Variants in SLFN12L observed in about 807,000 individuals in gnomAD.
SLFN12L encodes the protein schlafen family member 12 like.
In SLFN12L, 34 loss-of-function variants were observed where a neutral mutation model predicts 34.8. The ratio of observed to expected loss-of-function variants is 0.98; its 90% confidence interval spans 0.74 to 1.30. The LOEUF is 1.30. Ranked by LOEUF, SLFN12L falls within the 50% of genes most tolerant of loss-of-function variation. The probability of loss-of-function intolerance (pLI) is 0.00; values close to 1 mark genes in which losing one functional copy is unlikely to be tolerated. For synonymous variants in SLFN12L, 259 were observed against 247.5 expected, an observed-to-expected ratio of 1.05 and a Z score of -0.44; for missense variants, 703 against 696.2, an observed-to-expected ratio of 1.01 and a Z score of -0.11.
At position 35,526,510 on chromosome 17, in the gene SLFN12L, C is replaced by G. The variant is rs371525986; in HGVS notation, c.-605-3541G>C. Among the ~76,000 whole-genome samples the G allele has an allele frequency of 6.5e-4, 99 of 152,272 alleles. 1 individual carries two copies. The South Asian group carries it at 0.02, about 30-fold the overall frequency. On this transcript the variant is annotated intron_variant, in intron 1 of 4. Coordinates refer to ENST00000628453, the MANE Select transcript of SLFN12L (RefSeq NM_001363830.2). The stretch of plus-strand genomic sequence containing the variant: ...TAACAGAAATCATAACAAAAATCCT[C>G]TCAGTCCACAGTGCAATCAAATTAG...
intron 2 of SLFN12L, chr17:35,490,689 T>C: frequency 2.6e-6 from 3 of 1,171,010 alleles, no homozygotes; most frequent in Middle Eastern, 1.9e-4. Context: ...TAACCGAGGA[T>C]TCAGATCGTC....
chr17:35,526,607 T>C (rs2072337587), intron 1 of SLFN12L, among the ~76,000 whole-genome samples: 1 of 152,140 alleles, frequency 6.6e-6, no homozygotes, highest in Non-Finnish European at 1.5e-5. Context: ...CCTGAATGAC[T>C]ACCAGGTAAA....
Position 35,473,612 on chromosome 17 carries a change from T to C in SLFN12L, c.*1311A>G, listed in dbSNP as rs2142121786. The C allele has an allele frequency of 6.6e-6, 1 of 152,296 alleles. No homozygotes were observed. The highest frequency in any genetic ancestry group is 2.1e-4 in the South Asian group (1 of 4,828). The allele number at this position is 152,296 out of a possible 1,614,324, so 9.4% of individuals were successfully genotyped here. ...CATCAGGGATATTGGCCTGAAGTTTTCCTTTTTTTATTGTGTCCCTACCAG... is the reference window on the plus strand; with the variant it reads ...CATCAGGGATATTGGCCTGAAGTTTCCCTTTTTTTATTGTGTCCCTACCAG... On this transcript the variant is annotated 3_prime_UTR_variant, in exon 5 of 5. Coordinates refer to ENST00000628453, the MANE Select transcript of SLFN12L (RefSeq NM_001363830.2).
At chr17:35,535,098 A>T (rs1242572447) in intron 1 of SLFN12L, among the ~76,000 whole-genome samples, 2 of 152,118 alleles carry the variant, frequency 1.3e-5, no homozygotes, top group Non-Finnish European at 2.9e-5. Flanking sequence ...GTTGGGGGAC[A>T]TATTCAGAGT....
intron 2 of SLFN12L, chr17:35,498,767 T>C: frequency 9.1e-7 from 1 of 1,093,382 alleles, no homozygotes; most frequent in Non-Finnish European, 1.4e-6. Context: ...GTGACAGCTA[T>C]ACTGCCCTGT....
At position 35,467,120 on chromosome 17, in the gene SLFN12L, G is replaced by A. The variant is rs1014447260; in HGVS notation, c.*7803C>T. Among the ~76,000 whole-genome samples the A allele has an allele frequency of 1.3e-5, 2 of 152,170 alleles. No homozygotes were observed. The highest frequency in any genetic ancestry group is 2.9e-5 in the Non-Finnish European group (2 of 68,024). On this transcript the variant is annotated 3_prime_UTR_variant, in exon 5 of 5. Coordinates refer to ENST00000628453, the MANE Select transcript of SLFN12L (RefSeq NM_001363830.2). ...TCCCTTGCCAGATGCCATAGTGCTG[G>A]AGGAGGTCACCTCTCCTCCAGACCC... is the stretch of plus-strand genomic sequence containing the variant.
chr17:35,522,866 G>A lies in SLFN12L; in HGVS notation c.-502C>T. On this transcript the variant is annotated 5_prime_UTR_variant, in exon 2 of 5. Transcript: ENST00000628453. Reference sequence around the variant, plus strand: ...TAGAGAGGATCACAATTCCCCAGGAGAAAGGTTGGGTTTGCTTATTTATTA... The same window carrying A: ...TAGAGAGGATCACAATTCCCCAGGAAAAAGGTTGGGTTTGCTTATTTATTA... 1.1e-6 allele frequency: 1 copy of A among 942,602 alleles called. No homozygotes were observed. Among genetic ancestry groups the A allele is most frequent in the Non-Finnish European group, 1.7e-6 (1 of 602,260 alleles). The allele number at this position is 942,602 out of a possible 1,614,324, so 58.4% of individuals were successfully genotyped here. A position where few individuals can be genotyped will look rare whatever the true frequency, so the allele number is the denominator to read the frequency against.
chr17:35,511,870 C>T (rs575146864), intron 2 of SLFN12L, among the ~76,000 whole-genome samples: 1 of 152,308 alleles, frequency 6.6e-6, no homozygotes, highest in East Asian at 1.9e-4. Flanking sequence ...ACAATGTATC[C>T]TTGCCTAAAG....
At chr17:35,529,993 T>G (rs1597885607) in intron 1 of SLFN12L, among the ~76,000 whole-genome samples, 1 of 151,684 alleles carries the variant, frequency 6.6e-6, no homozygotes, top group Admixed American at 6.6e-5. Context: ...ATTAACTTTC[T>G]CAAAGTCACT....
chr17:35,535,962 AGTTTGTTTGTTTGTTTGTTTGTTT>A (rs111617647), intron 1 of SLFN12L, among the ~76,000 whole-genome samples: 3 of 149,528 alleles, frequency 2.0e-5, no homozygotes, highest in Admixed American at 6.7e-5. Context: ...GGCCCTGGCT[AGTTTGTTTGTTTGTTTGTTTGTTT>A]GTTTGTTTGT....
In SLFN12L at chr17:35,467,711, G is replaced by C. The variant is rs1019518740; in HGVS notation, c.*7212C>G. Among the ~76,000 whole-genome samples the C allele has an allele frequency of 6.6e-6, 1 of 152,064 alleles. No individual in the cohort carries two copies. The highest frequency in any genetic ancestry group is 1.5e-5 in the Non-Finnish European group (1 of 68,022). ...CCCCCCCCATCAGGAGGCCACAGCA[G>C]GTGTGTATATTCTCTGGGGTCCAAT... On this transcript the variant is annotated 3_prime_UTR_variant, in exon 5 of 5. Transcript: ENST00000628453.
rs1245861881 is a variant in SLFN12L, at chr17:35,468,091, T to G, written c.*6832A>C. Among the ~76,000 whole-genome samples the G allele has an allele frequency of 6.6e-6, 1 of 152,088 alleles. No homozygotes were observed. The highest frequency in any genetic ancestry group is 1.5e-5 in the Non-Finnish European group (1 of 68,010). On this transcript the variant is annotated 3_prime_UTR_variant, in exon 5 of 5. Coordinates refer to ENST00000628453, the MANE Select transcript of SLFN12L (RefSeq NM_001363830.2). Reference sequence around the variant, plus strand: ...CGCCCAGCTAATTTTTTATGTTTTTTGTAGAGACAGGGTTTTACCATGTTG... The same window carrying G: ...CGCCCAGCTAATTTTTTATGTTTTTGGTAGAGACAGGGTTTTACCATGTTG...
intron 2 of SLFN12L, among the ~76,000 whole-genome samples, chr17:35,518,954 C>T (rs181247475): frequency 3.6e-4 from 55 of 152,274 alleles, no homozygotes; most frequent in Non-Finnish European, 7.2e-4. Flanking sequence ...AACCCAAATG[C>T]CCATCAATGA....
intron 2 of SLFN12L, 36 bp from the exon 3 acceptor site, chr17:35,480,231 T>A (rs9905892): frequency 0.69 from 1,012,023 of 1,463,330 alleles, 352,994 homozygotes; most frequent in African/African-American, 0.93. Context: ...GAGTTAAGCC[T>A]GAGAGACAGC....
In SLFN12L at chr17:35,499,190, GT is replaced by G. The variant is rs1377481871; in HGVS notation, c.87-18996del. 2.1e-5 allele frequency: 20 copies of G among 955,820 alleles called. No individual in the cohort carries two copies. The South Asian group carries it at 2.7e-4, about 13-fold the overall frequency. The allele number at this position is 955,820 out of a possible 1,614,324, so 59.2% of individuals were successfully genotyped here. ...TTCTGGAGGAGGATGTGTGAATACC[GT>G]TTTTTCTTCCCTGCACCTGCCTTCC... On this transcript the variant is annotated intron_variant, in intron 2 of 4. Transcript: ENST00000628453.
In SLFN12L at chr17:35,466,583, G is replaced by A. The variant is rs1913722609; in HGVS notation, c.*8340C>T. ...TCCAACATCTTTTCATCCTTTTTGG[G>A]TTTTCATGGCAAAATATTCTTCACT... On this transcript the variant is annotated 3_prime_UTR_variant, in exon 5 of 5. Transcript: ENST00000628453. Among the ~76,000 whole-genome samples, 1 of 152,042 alleles carries A rather than the reference G, an allele frequency of 6.6e-6. No individual in the cohort carries two copies. Among genetic ancestry groups the A allele is most frequent in the Admixed American group, 6.5e-5 (1 of 15,276 alleles).
chr17:35,475,008 G>A lies in SLFN12L; in HGVS notation c.1754C>T (p.Pro585Leu). 6.3e-7 allele frequency: 1 copy of A among 1,585,110 alleles called. No individual in the cohort carries two copies. The highest frequency in any genetic ancestry group is 1.8e-5 in the Admixed American group (1 of 55,064). ...DLEKALSNILPKENQIFLFVC... is the reference protein window; with the variant it reads ...DLEKALSNILLKENQIFLFVC... Reference sequence around the variant, plus strand: ...AAACAAAAAGATTTGATTCTCCTTAGGTAAGATATTTGAAAGGGCCTTTTC... The same window carrying A: ...AAACAAAAAGATTTGATTCTCCTTAAGTAAGATATTTGAAAGGGCCTTTTC... Residue 585 changes from proline (P) to leucine (L), a missense_variant, in exon 5 of 5, where the codon CCT (proline) becomes CTT (leucine). Physicochemically the swap from Pro to Leu is moderately conservative, Grantham distance 98. Coordinates refer to ENST00000628453, the MANE Select transcript of SLFN12L (RefSeq NM_001363830.2).
chr17:35,509,759 G>A (rs890514163), intron 2 of SLFN12L, among the ~76,000 whole-genome samples: 2 of 151,400 alleles, frequency 1.3e-5, no homozygotes, highest in Admixed American at 6.6e-5. Context: ...GTGCAGTGGC[G>A]TGATCTCAGC....
intron 2 of SLFN12L, among the ~76,000 whole-genome samples, chr17:35,485,089 T>C (rs369164523): frequency 3.3e-5 from 5 of 152,338 alleles, no homozygotes; most frequent in Non-Finnish European, 7.3e-5. Flanking sequence ...CTCTTCTTTC[T>C]TTTTTGATTT....
Sources: allele counts gnomAD v4.1 joint callset (sites outside exome capture counted in the v4.1 genomes callset), GRCh38; gene constraint gnomAD v4.1.1; transcripts MANE v1.5; gene names NCBI Gene and HGNC (gene_info 2026-07-23, HGNC 2026-07-21).